Variants in JAKMIP2 observed in about 807,000 individuals in gnomAD.
The protein encoded by JAKMIP2 is janus kinase and microtubule-interacting protein 2.
JAKMIP2 carries 25 observed loss-of-function variants against 115.0 expected under a neutral mutation model. The observed-to-expected ratio is 0.22, with a 90% CI of 0.16 to 0.30. The LOEUF is 0.30. Among genes scored for constraint, JAKMIP2 ranks in the 10% least tolerant of loss-of-function variants. The pLI, the probability that JAKMIP2 is intolerant of heterozygous loss-of-function variation, is 1.00. For missense variants in JAKMIP2, 642 were observed against 957.6 expected (o/e 0.67, Z 4.35); for synonymous variants, 334 against 343.6 (o/e 0.97, Z 0.31).
chr5:147,762,732 A>T (rs1409519119), intron 1 of JAKMIP2, among the ~76,000 whole-genome samples: 1 of 152,132 alleles, frequency 6.6e-6, no homozygotes, highest in Non-Finnish European at 1.5e-5. Context: ...ATTTGGGGGT[A>T]AAGGGACATA....
intron 1 of JAKMIP2, among the ~76,000 whole-genome samples, chr5:147,781,480 C>T (rs1167507404): frequency 6.6e-6 from 1 of 152,004 alleles, no homozygotes; most frequent in Non-Finnish European, 1.5e-5. Context: ...ATGCTAGACA[C>T]AAAATAATAC....
intron 1 of JAKMIP2, among the ~76,000 whole-genome samples, chr5:147,722,356 C>T (rs1753346881): frequency 2.6e-5 from 4 of 152,108 alleles, no homozygotes; most frequent in Admixed American, 2.0e-4. Context: ...GTCTTTTCTC[C>T]TTTTAACTCC....
chr5:147,668,939 T>C (rs1034446753), intron 2 of JAKMIP2, among the ~76,000 whole-genome samples: 3 of 152,198 alleles, frequency 2.0e-5, no homozygotes, highest in African/African-American at 7.2e-5. Flanking sequence ...GTCTTAAAAT[T>C]TGGCTCTATA....
chr5:147,753,705 C>A (rs1048825646), intron 1 of JAKMIP2, among the ~76,000 whole-genome samples: 2 of 152,176 alleles, frequency 1.3e-5, no homozygotes, highest in African/African-American at 4.8e-5. Flanking sequence ...ACACATTCCT[C>A]AGTGTACTAA....
intron 1 of JAKMIP2, among the ~76,000 whole-genome samples, chr5:147,722,007 C>A (rs1399733838): frequency 2.0e-5 from 3 of 152,090 alleles, no homozygotes; most frequent in Admixed American, 1.3e-4. Flanking sequence ...TTATGAAATA[C>A]CTACTTCCTG....
intron 21 of JAKMIP2, among the ~76,000 whole-genome samples, chr5:147,597,119 G>C (rs1755432239): frequency 6.6e-6 from 1 of 151,690 alleles, no homozygotes; most frequent in Admixed American, 6.6e-5. Flanking sequence ...CTGACCTCAG[G>C]TGATCCGCCT....
chr5:147,726,146 T>G (rs541389025), intron 1 of JAKMIP2, among the ~76,000 whole-genome samples: 2 of 152,288 alleles, frequency 1.3e-5, no homozygotes, highest in Non-Finnish European at 1.5e-5. Flanking sequence ...AGACACCACA[T>G]GCTGAAACAC....
At chr5:147,646,696 T>C (rs938936406) in intron 5 of JAKMIP2, among the ~76,000 whole-genome samples, 13 of 151,546 alleles carry the variant, frequency 8.6e-5, no homozygotes, top group African/African-American at 2.9e-4. Flanking sequence ...CACATACACA[T>C]GTATATGCAC....
At position 147,705,643 on chromosome 5, in the gene JAKMIP2, G is replaced by A. The variant is rs531853138; in HGVS notation, c.-148-33689C>T. ...TCTCTACCTTGGGCGTCACCTTTCC[G>A]ATATGCAAAGCAAGTGAAATATAAG... On this transcript the variant is annotated intron_variant, in intron 1 of 21. Transcript: ENST00000616793. Among the ~76,000 whole-genome samples, 82 of 152,068 alleles carry A rather than the reference G, an allele frequency of 5.4e-4. No individual in the cohort carries two copies. The Middle Eastern group carries it at 0.01, about 19-fold the overall frequency.
rs143764175 is a variant in JAKMIP2, at chr5:147,696,361, C to G, written c.-148-24407G>C. Among the ~76,000 whole-genome samples, 186 of 152,204 alleles carry G rather than the reference C, an allele frequency of 1.2e-3. 1 individual carries two copies. The highest frequency in any genetic ancestry group is 6.8e-3 in the Middle Eastern group (2 of 294). ...GATAGTGAGTGCATTCTCACAAGATCTGATGGTTTTATAAGGGGCTTCCCC... is the reference window on the plus strand; with the variant it reads ...GATAGTGAGTGCATTCTCACAAGATGTGATGGTTTTATAAGGGGCTTCCCC... On this transcript the variant is annotated intron_variant, in intron 1 of 21. Coordinates refer to ENST00000616793, the MANE Select transcript of JAKMIP2 (RefSeq NM_001270941.2).
intron 1 of JAKMIP2, among the ~76,000 whole-genome samples, chr5:147,753,017 A>G (rs558880929): frequency 1.3e-5 from 2 of 152,246 alleles, no homozygotes; most frequent in African/African-American, 4.8e-5. Context: ...AAGCAACCCA[A>G]TGACTTTTAT....
chr5:147,620,376 A>G (rs1357277235), intron 18 of JAKMIP2, among the ~76,000 whole-genome samples: 3 of 152,300 alleles, frequency 2.0e-5, no homozygotes, highest in African/African-American at 7.2e-5. Context: ...TGGTTTCCCA[A>G]AAGTGCTGGG....
chr5:147,620,847 A>G, intron 17 of JAKMIP2, 104 bp from the exon 18 acceptor site: 5 of 807,248 alleles, frequency 6.2e-6, no homozygotes, highest in Middle Eastern at 2.8e-4. Context: ...AAGACAAATC[A>G]CTAGTATTTG....
chr5:147,675,642 C>A (rs927799869), intron 1 of JAKMIP2, among the ~76,000 whole-genome samples: 3 of 151,990 alleles, frequency 2.0e-5, no homozygotes, highest in Non-Finnish European at 4.4e-5. Flanking sequence ...AACTCTATAC[C>A]TGTTAGCCAT....
chr5:147,755,737 G>A (rs12514586), intron 1 of JAKMIP2, among the ~76,000 whole-genome samples: 2 of 152,064 alleles, frequency 1.3e-5, no homozygotes, highest in African/African-American at 4.8e-5. Flanking sequence ...GCATTTCATA[G>A]TGAACTCCTG....
chr5:147,705,546 G>A (rs1431430177), intron 1 of JAKMIP2, among the ~76,000 whole-genome samples: 1 of 151,958 alleles, frequency 6.6e-6, no homozygotes, highest in Non-Finnish European at 1.5e-5. Flanking sequence ...CTCCAGCCTG[G>A]GTGACAGAGT....
chr5:147,753,873 T>TAA lies in JAKMIP2; in HGVS notation c.-149+28582_-149+28583insTT, dbSNP rs1754650987. 2.0e-5 allele frequency among the ~76,000 whole-genome samples: 3 copies of TAA among 152,026 alleles called. No individual in the cohort carries two copies. In the South Asian group the frequency reaches 6.2e-4, roughly 32 times the overall value. ...ATAGCTAAAGGTTCCACTAGGCACT[T>TAA]ACTTTTTGGTCTGGAACACTGTAGC... On this transcript the variant is annotated intron_variant, in intron 1 of 21. Transcript: ENST00000616793.
At position 147,661,529 on chromosome 5, in the gene JAKMIP2, G is replaced by A. The variant is rs573495765; in HGVS notation, c.130-84C>T. ...CTAGGCAGGATTTGCAGCTCAGGCC[G>A]CTGTGATCTCTTAATTCCTCATCTC... On this transcript the variant is annotated intron_variant, in intron 2 of 21. Coordinates refer to ENST00000616793, the MANE Select transcript of JAKMIP2 (RefSeq NM_001270941.2). 23 of 1,368,346 alleles carry A rather than the reference G, an allele frequency of 1.7e-5. No individual in the cohort carries two copies. The Admixed American group carries it at 4.0e-4, about 24-fold the overall frequency. The allele number at this position is 1,368,346 out of a possible 1,614,324, so 84.8% of individuals were successfully genotyped here. A position where few individuals can be genotyped will look rare whatever the true frequency, so the allele number is the denominator to read the frequency against.
intron 1 of JAKMIP2, among the ~76,000 whole-genome samples, chr5:147,729,882 G>A (rs554908055): frequency 5.7e-4 from 86 of 152,190 alleles, no homozygotes; most frequent in African/African-American, 1.9e-3. Flanking sequence ...TGAGTGCTAT[G>A]GTTAAGGAAG....
Sources: allele counts gnomAD v4.1 joint callset (sites outside exome capture counted in the v4.1 genomes callset), GRCh38; gene constraint gnomAD v4.1.1; transcripts MANE v1.5; gene names NCBI Gene and HGNC (gene_info 2026-07-23, HGNC 2026-07-21).